MALRD1: variants seen among roughly 807,000 people sequenced by gnomAD.
The protein encoded by MALRD1 is MAM and LDL-receptor class A domain-containing protein 1.
A neutral mutation model predicts 242.1 loss-of-function variants in MALRD1; 247 were observed. That is an observed-to-expected ratio of 1.02 (90% CI 0.92 to 1.13). The LOEUF is 1.13. Ranked by LOEUF, MALRD1 falls within the 50% of genes most tolerant of loss-of-function variation. The probability of loss-of-function intolerance (pLI) is 0.00; values close to 1 mark genes in which losing one functional copy is unlikely to be tolerated. For synonymous variants in MALRD1, 995 were observed against 866.6 expected, an observed-to-expected ratio of 1.15 and a Z score of -2.60; for missense variants, 2,989 against 2,533.1, an observed-to-expected ratio of 1.18 and a Z score of -3.86.
chr10:19,245,091 A>T (rs75502716), intron 18 of MALRD1, among the ~76,000 whole-genome samples: 1 of 152,176 alleles, frequency 6.6e-6, no homozygotes. Flanking sequence ...TAAATTGTGT[A>T]TTAAGTGGCT....
chr10:19,289,179 T>C (rs1196627818), intron 21 of MALRD1, among the ~76,000 whole-genome samples: 1 of 152,198 alleles, frequency 6.6e-6, no homozygotes, highest in Non-Finnish European at 1.5e-5. Flanking sequence ...ATGAATAATC[T>C]ATAAGTCCAT....
At chr10:19,177,235 G>A (rs901662993) in intron 14 of MALRD1, among the ~76,000 whole-genome samples, 1 of 149,550 alleles carries the variant, frequency 6.7e-6, no homozygotes, top group Admixed American at 6.7e-5. Flanking sequence ...AGCCGAGATC[G>A]CGCCACTGCA....
intron 18 of MALRD1, among the ~76,000 whole-genome samples, chr10:19,226,216 G>A (rs1382948684): frequency 6.6e-6 from 1 of 151,874 alleles, no homozygotes; most frequent in Non-Finnish European, 1.5e-5. Context: ...CATGCTGACA[G>A]AAAAAAGAAA....
In MALRD1 at chr10:19,645,615, A is replaced by G. The variant is rs376707984; in HGVS notation, c.6137+29692A>G. On this transcript the variant is annotated intron_variant, in intron 36 of 39. Coordinates refer to ENST00000454679, the MANE Select transcript of MALRD1 (RefSeq NM_001142308.3). ...AAGCTGGAAACCATCATTCTCAGCA[A>G]ACTATCCCAAGGACTAAAAACCAAA... 3.3e-5 allele frequency among the ~76,000 whole-genome samples: 5 copies of G among 152,278 alleles called. No individual in the cohort carries two copies. The East Asian group carries it at 9.7e-4, about 29-fold the overall frequency.
intron 5 of MALRD1, among the ~76,000 whole-genome samples, chr10:19,112,458 C>A (rs995432278): frequency 3.9e-5 from 6 of 152,056 alleles, no homozygotes; most frequent in Admixed American, 3.3e-4. Context: ...TTGCTTAAAT[C>A]ACTTAAGGAA....
chr10:19,734,302 G>A lies in MALRD1; in HGVS notation c.*65G>A. The A allele has an allele frequency of 7.9e-7, 1 of 1,268,138 alleles. No individual in the cohort carries two copies. The highest frequency in any genetic ancestry group is 1.1e-6 in the Non-Finnish European group (1 of 910,758). 78.6% of individuals were successfully genotyped at this position (1,268,138 alleles called of 1,614,324 possible). ...TAGAAAATTGAAGTCTCCACAATCTGATAGAAACTCATCTTCTACAATGGT... is the reference window on the plus strand; with the variant it reads ...TAGAAAATTGAAGTCTCCACAATCTAATAGAAACTCATCTTCTACAATGGT... On this transcript the variant is annotated 3_prime_UTR_variant, in exon 40 of 40. Transcript: ENST00000454679.
chr10:19,424,924 A>G (rs1024285806), intron 28 of MALRD1, among the ~76,000 whole-genome samples: 15 of 151,654 alleles, frequency 9.9e-5, no homozygotes, highest in Non-Finnish European at 1.9e-4. Flanking sequence ...AAAGAACCAA[A>G]GAGTGAAATG....
intron 9 of MALRD1, among the ~76,000 whole-genome samples, chr10:19,136,339 G>GT (rs60455365): frequency 0.14 from 20,423 of 144,828 alleles, 1,479 homozygotes; most frequent in African/African-American, 0.2. Flanking sequence ...GTTTCCATCA[G>GT]TTTTTTTTTT....
intron 18 of MALRD1, among the ~76,000 whole-genome samples, chr10:19,248,127 C>G (rs1446239532): frequency 6.6e-6 from 1 of 151,992 alleles, no homozygotes; most frequent in East Asian, 1.9e-4. Flanking sequence ...CAAGAGTATA[C>G]TCTTAGATTG....
chr10:19,462,303 G>T (rs1206832553), intron 29 of MALRD1, among the ~76,000 whole-genome samples: 1 of 152,162 alleles, frequency 6.6e-6, no homozygotes, highest in Non-Finnish European at 1.5e-5. Context: ...AATCATCCTA[G>T]GTTTAATTAC....
chr10:19,221,049 C>T (rs535249850), intron 18 of MALRD1, among the ~76,000 whole-genome samples: 51 of 152,150 alleles, frequency 3.4e-4, no homozygotes, highest in African/African-American at 1.2e-3. Flanking sequence ...CTGATAACAT[C>T]TTTTAATAAT....
In MALRD1 at chr10:19,063,844, A is replaced by C. The variant is rs1363039649; in HGVS notation, c.200-2875A>C. Among the ~76,000 whole-genome samples the C allele has an allele frequency of 1.3e-4, 20 of 152,142 alleles. No individual in the cohort carries two copies. In the East Asian group the frequency reaches 3.9e-3, roughly 29 times the overall value. On this transcript the variant is annotated intron_variant, in intron 1 of 39. Coordinates refer to ENST00000454679, the MANE Select transcript of MALRD1 (RefSeq NM_001142308.3). ...GCATTAGGAGATATACCTAATGCTA[A>C]ATGACGAGTTAATGGGTGCAGCACA...
chr10:19,676,337 C>T (rs904499893), intron 36 of MALRD1, among the ~76,000 whole-genome samples: 1 of 152,146 alleles, frequency 6.6e-6, no homozygotes, highest in Non-Finnish European at 1.5e-5. Context: ...AGGGCCTTTG[C>T]CACATGGCAG....
chr10:19,678,818 G>A (rs181570346), intron 36 of MALRD1, among the ~76,000 whole-genome samples: 42 of 152,216 alleles, frequency 2.8e-4, no homozygotes, highest in African/African-American at 7.7e-4. Flanking sequence ...TTTGAGATAC[G>A]TTCCATCAAT....
chr10:19,606,189 A>C (rs1402121690), intron 34 of MALRD1, among the ~76,000 whole-genome samples: 13 of 152,180 alleles, frequency 8.5e-5, no homozygotes, highest in African/African-American at 3.1e-4. Context: ...TAATTTATGA[A>C]AGAACTGGCA....
At chr10:19,608,807 G>A (rs1273194583) in intron 35 of MALRD1, among the ~76,000 whole-genome samples, 1 of 151,970 alleles carries the variant, frequency 6.6e-6, no homozygotes, top group Admixed American at 6.6e-5. Flanking sequence ...TGCATTTTAT[G>A]AGTACAAAAG....
intron 2 of MALRD1, among the ~76,000 whole-genome samples, chr10:19,080,772 T>C (rs185668514): frequency 1.3e-5 from 2 of 151,720 alleles, no homozygotes; most frequent in East Asian, 3.9e-4. Context: ...ACAAATAGGA[T>C]CTAATTAAAC....
In MALRD1 at chr10:19,354,862, CT is replaced by C. The variant is rs754727172; in HGVS notation, c.4441+2566del. 1.2e-3 allele frequency among the ~76,000 whole-genome samples: 184 copies of C among 152,066 alleles called. 1 individual carries two copies. The highest frequency in any genetic ancestry group is 2.7e-3 in the Admixed American group (41 of 15,250). ...CTTGTATCAAAATATTACATGCCCC[CT>C]ATAAGTATGTACAGCTATTGTGTAT... is the stretch of plus-strand genomic sequence containing the variant. On this transcript the variant is annotated intron_variant, in intron 26 of 39. Transcript: ENST00000454679.
intron 36 of MALRD1, among the ~76,000 whole-genome samples, chr10:19,676,293 G>C (rs1842136572): frequency 6.6e-6 from 1 of 152,222 alleles, no homozygotes; most frequent in South Asian, 2.1e-4. Context: ...GTCAGGAAAT[G>C]CAGTTCAGAG....
Sources: allele counts gnomAD v4.1 joint callset (sites outside exome capture counted in the v4.1 genomes callset), GRCh38; gene constraint gnomAD v4.1.1; transcripts MANE v1.5; gene names NCBI Gene and HGNC (gene_info 2026-07-23, HGNC 2026-07-21).